Variants in DPH6 observed in about 807,000 individuals in gnomAD.
The protein encoded by DPH6 is diphthamine biosynthesis 6, also known as diphthine--ammonia ligase.
In DPH6, 33 loss-of-function variants were observed where a neutral mutation model predicts 38.2. The ratio of observed to expected loss-of-function variants is 0.86; its 90% CI spans 0.65 to 1.15. The LOEUF is 1.15. DPH6 is among the 50% of genes most tolerant of loss of function. The pLI is 0.00. For missense variants in DPH6, 325 were observed against 320.0 expected, an observed-to-expected ratio of 1.02 and a Z score of -0.12; for synonymous variants, 108 against 103.0, an observed-to-expected ratio of 1.05 and a Z score of -0.30.
At chr15:35,327,310 C>G (rs2052290539), downstream of DPH6, among the ~76,000 whole-genome samples, 2 of 148,754 alleles carry the variant, frequency 1.3e-5, no homozygotes, top group South Asian at 4.3e-4. Context: ...TCCAAAAGTA[C>G]TGACTAAAAT....
At chr15:35,541,264 G>T (rs2055249645) in intron 2 of DPH6, among the ~76,000 whole-genome samples, 1 of 152,104 alleles carries the variant, frequency 6.6e-6, no homozygotes, top group African/African-American at 2.4e-5. Context: ...AAGGAAAGAA[G>T]ATTCAAATAT....
intron 4 of DPH6, among the ~76,000 whole-genome samples, chr15:35,452,838 T>A (rs569125633): frequency 6.6e-6 from 1 of 152,236 alleles, no homozygotes; most frequent in Non-Finnish European, 1.5e-5. Context: ...TGAGCCATGA[T>A]ATTTTGAACT....
chr15:35,303,548 T>G (rs1195456788), intron 3 of DPH6, among the ~76,000 whole-genome samples: 1 of 151,884 alleles, frequency 6.6e-6, no homozygotes, highest in African/African-American at 2.4e-5. Flanking sequence ...TGAAGCTAGA[T>G]CTCCTGATTC....
chr15:35,459,668 G>C (rs1016025164), intron 3 of DPH6, among the ~76,000 whole-genome samples: 1 of 152,190 alleles, frequency 6.6e-6, no homozygotes, highest in African/African-American at 2.4e-5. Context: ...AGAGGGCTGA[G>C]TGGAAGACAC....
exon 4 of DPH6, chr15:35,219,099 A>C (rs965508097): frequency 1.3e-5 from 2 of 152,182 alleles, no homozygotes; most frequent in African/African-American, 4.8e-5. Context: ...AGCAACTGTC[A>C]TTTTAAGTCA....
rs12438757 is a variant in DPH6 at position 35,261,059 on chromosome 15, T to C, written n.201-40477A>G. 0.027 allele frequency among the ~76,000 whole-genome samples: 4,180 copies of C among 152,328 alleles called. 337 individuals are homozygous for C. The East Asian group carries it at 0.32, about 12-fold the overall frequency. ...CCCGGAAGTCAAAACCCACAATCTA[T>C]TATATCAGTTCCTGTTGGAATTTAT... is the stretch of plus-strand genomic sequence containing the variant. On this transcript the variant is annotated intron_variant and non_coding_transcript_variant, in intron 3 of 3. Transcript: ENST00000560386.
chr15:35,188,908 T>C, the DPH6 span, among the ~76,000 whole-genome samples: 1 of 152,108 alleles, frequency 6.6e-6, no homozygotes, highest in Non-Finnish European at 1.5e-5. Flanking sequence ...CTGTTCACCC[T>C]GATTTTAGAA....
chr15:35,323,420 T>C (rs80080857), intron 3 of DPH6, among the ~76,000 whole-genome samples: 1 of 152,252 alleles, frequency 6.6e-6, no homozygotes, highest in South Asian at 2.1e-4. Context: ...CCTTTTTTTT[T>C]CTTAAGGTAT....
At chr15:35,203,985 C>A in the DPH6 span, among the ~76,000 whole-genome samples, 1 of 151,202 alleles carries the variant, frequency 6.6e-6, no homozygotes, top group Non-Finnish European at 1.5e-5. Flanking sequence ...ATTAACAGTT[C>A]CTTGACAAGG....
chr15:35,383,049 G>T (rs1401076497), intron 6 of DPH6, among the ~76,000 whole-genome samples: 1 of 152,056 alleles, frequency 6.6e-6, no homozygotes, highest in African/African-American at 2.4e-5. Context: ...TCCACCAAAT[G>T]AACTTTCTAA....
At chr15:35,515,725 A>G (rs1346262374) in intron 3 of DPH6, among the ~76,000 whole-genome samples, 8 of 147,330 alleles carry the variant, frequency 5.4e-5, no homozygotes, top group African/African-American at 2.0e-4. Context: ...CGTCTCAGAA[A>G]AAAAAAAAAA....
chr15:35,347,322 G>A (rs2052470977), intron 3 of DPH6, among the ~76,000 whole-genome samples: 1 of 151,910 alleles, frequency 6.6e-6, no homozygotes, highest in Admixed American at 6.6e-5. Context: ...AGAATTGCCT[G>A]TTTGTTTGTT....
At chr15:35,347,750 C>T (rs899511815) in intron 3 of DPH6, among the ~76,000 whole-genome samples, 17 of 151,826 alleles carry the variant, frequency 1.1e-4, no homozygotes, top group Non-Finnish European at 2.4e-4. Context: ...ATGTAAAATA[C>T]ATTTTACATT....
At chr15:35,214,054 G>T (rs1220819321), downstream of DPH6, among the ~76,000 whole-genome samples, 1 of 151,650 alleles carries the variant, frequency 6.6e-6, no homozygotes, top group Non-Finnish European at 1.5e-5. Flanking sequence ...AGAGCTTGCA[G>T]TGAGCTGAGA....
intron 6 of DPH6, among the ~76,000 whole-genome samples, chr15:35,404,079 A>G (rs1186705547): frequency 3.9e-5 from 6 of 152,144 alleles, no homozygotes. Flanking sequence ...ATGGCTGAAC[A>G]GTACTCCATA....
At chr15:35,320,933 G>C (rs1051952327) in intron 3 of DPH6, among the ~76,000 whole-genome samples, 6 of 152,150 alleles carry the variant, frequency 3.9e-5, no homozygotes, top group Non-Finnish European at 8.8e-5. Context: ...TAAATTCCAT[G>C]GGTATGAGTG....
At chr15:35,368,492 A>G (rs903045505), downstream of DPH6, among the ~76,000 whole-genome samples, 3 of 152,002 alleles carry the variant, frequency 2.0e-5, no homozygotes, top group Non-Finnish European at 4.4e-5. Flanking sequence ...AAGAAAATCT[A>G]TATGGCAGTG....
chr15:35,396,602 A>T (rs1454954154), intron 6 of DPH6, among the ~76,000 whole-genome samples: 1 of 136,994 alleles, frequency 7.3e-6, no homozygotes, highest in Non-Finnish European at 1.7e-5. Flanking sequence ...TTTTCTCACA[A>T]CATGTAATTT....
At chr15:35,540,561 C>G (rs2055237508) in intron 2 of DPH6, among the ~76,000 whole-genome samples, 1 of 152,060 alleles carries the variant, frequency 6.6e-6, no homozygotes. Flanking sequence ...AACCCACAGC[C>G]ATCTGTTTTC....
Sources: allele counts gnomAD v4.1 joint callset (sites outside exome capture counted in the v4.1 genomes callset), GRCh38; gene constraint gnomAD v4.1.1; transcripts MANE v1.5; gene names NCBI Gene and HGNC (gene_info 2026-07-23, HGNC 2026-07-21).